THUMPD3: variants seen among roughly 807,000 people sequenced by gnomAD.
The protein encoded by THUMPD3 is tRNA (guanine(6)-N(2))-methyltransferase THUMP3.
Under a neutral mutation model 54.5 loss-of-function variants are expected in THUMPD3, and 44 were observed. That is an observed-to-expected ratio of 0.81 (90% CI 0.63 to 1.04). The LOEUF (loss-of-function observed/expected upper bound fraction) is 1.04. Ranked by LOEUF, THUMPD3 falls within the 50% of genes least tolerant of loss-of-function variation. THUMPD3 has a pLI of 0.00. For missense variants in THUMPD3, 604 were observed against 601.3 expected (o/e 1.00, Z -0.05); for synonymous variants, 196 against 201.4 (o/e 0.97, Z 0.23).
At chr3:9,369,890 C>A (rs2031894858) in intron 3 of THUMPD3, among the ~76,000 whole-genome samples, 1 of 151,954 alleles carries the variant, frequency 6.6e-6, no homozygotes, top group Non-Finnish European at 1.5e-5. Context: ...TATGTCTTTA[C>A]TTTTTTCATA....
chr3:9,371,089 G>A lies in THUMPD3; in HGVS notation c.360G>A (p.Leu120=). The A allele has an allele frequency of 1.3e-6, 2 of 1,575,224 alleles. No homozygotes were observed. The highest frequency in any genetic ancestry group is 1.7e-6 in the Non-Finnish European group (2 of 1,168,364). ...AAGTTCTAAAGGATTTTGAAGACTTGGCTGGAAAACTCCCATGGTCAAACC... is the reference window on the plus strand; with the variant it reads ...AAGTTCTAAAGGATTTTGAAGACTTAGCTGGAAAACTCCCATGGTCAAACC... ...KEEVLKDFED[L]AGKLPWSNPL... The change falls in exon 4 of 10, where the codon TTG becomes TTA. Residue 120 remains leucine (L), a synonymous_variant. Coordinates refer to ENST00000452837, the MANE Select transcript of THUMPD3 (RefSeq NM_001114092.2).
chr3:9,369,320 A>AG (rs1403249207), intron 3 of THUMPD3, among the ~76,000 whole-genome samples: 1 of 151,046 alleles, frequency 6.6e-6, no homozygotes, highest in East Asian at 1.9e-4. Flanking sequence ...AAAAAAAAAA[A>AG]AAAAAAAAAA....
At chr3:9,373,695 G>C (rs910030028) in intron 4 of THUMPD3, among the ~76,000 whole-genome samples, 12 of 152,220 alleles carry the variant, frequency 7.9e-5, no homozygotes, top group African/African-American at 2.7e-4. Context: ...TTCAGTGAAA[G>C]ATTGGGGAAC....
chr3:9,384,381 G>A (rs375934489), intron 9 of THUMPD3, 46 bp downstream of exon 9: 17 of 1,598,078 alleles, frequency 1.1e-5, no homozygotes, highest in East Asian at 2.2e-5. Flanking sequence ...GCAACTTTGG[G>A]ATCTTTTTGA....
chr3:9,374,756 G>C, intron 5 of THUMPD3, 110 bp downstream of exon 5: 1 of 1,240,176 alleles, frequency 8.1e-7, no homozygotes, highest in Non-Finnish European at 1.1e-6. Context: ...TTGGAATAGA[G>C]TGGATAAAGA....
At chr3:9,384,028 G>T (rs1235546854) in intron 8 of THUMPD3, among the ~76,000 whole-genome samples, 184 bp from the exon 9 acceptor site, 2 of 152,156 alleles carry the variant, frequency 1.3e-5, no homozygotes, top group Non-Finnish European at 2.9e-5. Context: ...AAATTTTTTT[G>T]ATTCAGAATT....
rs142951250 is a variant in THUMPD3 at position 9,384,249 on chromosome 3, G to C, written c.1273G>C (p.Ala425Pro). The C allele has an allele frequency of 6.2e-7, 1 of 1,614,186 alleles. No homozygotes were observed. The highest frequency in any genetic ancestry group is 8.5e-7 in the Non-Finnish European group (1 of 1,180,018). Residue 425 changes from alanine to proline, a missense_variant, in exon 9 of 10, where the codon GCT becomes CCT. Physicochemically the swap from Ala to Pro is conservative, Grantham distance 27 (BLOSUM62 -1). Coordinates refer to ENST00000452837, the MANE Select transcript of THUMPD3 (RefSeq NM_001114092.2). ...GAAGAGAAACTGGAACCTTTATCCA[G>C]CTTGCCTACGGGAGATGAGCCGTGT... ...SKKRNWNLYPACLREMSRVCT... is the reference protein window; with the variant it reads ...SKKRNWNLYPPCLREMSRVCT...
intron 7 of THUMPD3, chr3:9,380,917 G>C (rs1333614581): frequency 4.7e-6 from 1 of 211,348 alleles, no homozygotes; most frequent in East Asian, 1.4e-4. Flanking sequence ...ATTTTAAACA[G>C]TATATTTTTA....
At position 9,385,365 on chromosome 3, in the gene THUMPD3, C is replaced by T. The variant is rs946440173; in HGVS notation, c.*677C>T. On this transcript the variant is annotated 3_prime_UTR_variant, in exon 10 of 10. Coordinates refer to ENST00000452837, the MANE Select transcript of THUMPD3 (RefSeq NM_001114092.2). The stretch of plus-strand genomic sequence containing the variant: ...AAAGGAAGGGCAGAGAACATAATTA[C>T]ATCTTAGGCCACATTTCATTCTTTG... 6.6e-6 allele frequency: 1 copy of T among 152,200 alleles called. No individual in the cohort carries two copies. Among genetic ancestry groups the T allele is most frequent in the African/African-American group, 2.4e-5 (1 of 41,444 alleles). The allele number at this position is 152,200 out of a possible 1,614,324, so 9.4% of individuals were successfully genotyped here.
rs759290906 is a variant in THUMPD3 at position 9,365,836 on chromosome 3, C to T, written c.252+516C>T. ...CGAACTCCTAACCCCGTGATCCACC[C>T]GCCTCGACCTCCCAAAGTGCTGGGA... On this transcript the variant is annotated intron_variant, in intron 2 of 9. Coordinates refer to ENST00000452837, the MANE Select transcript of THUMPD3 (RefSeq NM_001114092.2). Among the ~76,000 whole-genome samples the T allele has an allele frequency of 1.0e-3, 155 of 152,084 alleles. 1 individual carries two copies. Among genetic ancestry groups the T allele is most frequent in the Admixed American group, 1.0e-3 (16 of 15,266 alleles).
chr3:9,376,443 T>C (rs2032464631), intron 5 of THUMPD3, among the ~76,000 whole-genome samples: 1 of 152,180 alleles, frequency 6.6e-6, no homozygotes, highest in Non-Finnish European at 1.5e-5. Flanking sequence ...TGTTCCAAAT[T>C]CCTGGAAGAG....
chr3:9,384,249 G>T lies in THUMPD3; in HGVS notation c.1273G>T (p.Ala425Ser), dbSNP rs142951250. ...GAAGAGAAACTGGAACCTTTATCCA[G>T]CTTGCCTACGGGAGATGAGCCGTGT... ...SKKRNWNLYPACLREMSRVCT... is the reference protein window; with the variant it reads ...SKKRNWNLYPSCLREMSRVCT... Residue 425 changes from alanine to serine, a missense_variant, in exon 9 of 10, where the codon GCT (alanine) becomes TCT (serine). By Grantham distance (99) the Ala-to-Ser change is moderately conservative. Coordinates refer to ENST00000452837, the MANE Select transcript of THUMPD3 (RefSeq NM_001114092.2). The T allele has an allele frequency of 1.6e-4, 259 of 1,614,184 alleles. 3 individuals are homozygous for T. In the East Asian group the frequency reaches 2.8e-3, roughly 18 times the overall value.
rs556273313 is a variant in THUMPD3, at chr3:9,367,881, C to T, written c.330+896C>T. Among the ~76,000 whole-genome samples, 6 of 152,026 alleles carry T rather than the reference C, an allele frequency of 3.9e-5. No homozygotes were observed. The East Asian group carries it at 7.8e-4, about 20-fold the overall frequency. On this transcript the variant is annotated intron_variant, in intron 3 of 9. Coordinates refer to ENST00000452837, the MANE Select transcript of THUMPD3 (RefSeq NM_001114092.2). ...GAGATCGAGACCATCCTGGCTAACA[C>T]GGTGAAACCCCGTCTCTACTAAAAA...
rs1307874565 is a variant in THUMPD3 at position 9,380,573 on chromosome 3, C to A, written c.1079C>A (p.Ala360Glu). The change falls in exon 7 of 10, where the codon GCA (alanine) becomes GAA (glutamate). Residue 360 changes from alanine to glutamate, a missense_variant. Transcript: ENST00000452837. ...DNNPLAVNRA[A>E]NNIASLLTKS... ...AATCCACTGGCTGTGAATAGAGCAG[C>A]AAATAACATTGCATCTTTATTGACC... 2 of 1,613,088 alleles carry A rather than the reference C, an allele frequency of 1.2e-6. No homozygotes were observed. The highest frequency in any genetic ancestry group is 1.6e-4 in the Middle Eastern group (1 of 6,074).
chr3:9,376,827 G>A (rs1048832090), intron 5 of THUMPD3, among the ~76,000 whole-genome samples: 1 of 152,158 alleles, frequency 6.6e-6, no homozygotes, highest in African/African-American at 2.4e-5. Context: ...TTACCTACTA[G>A]TTTTGTGTCC....
At chr3:9,381,394 C>CA (rs1389188661) in intron 7 of THUMPD3, among the ~76,000 whole-genome samples, 10 of 152,132 alleles carry the variant, frequency 6.6e-5, no homozygotes, top group Non-Finnish European at 8.8e-5. Flanking sequence ...ACATGTGAAT[C>CA]ACCTAGGAGT....
intron 6 of THUMPD3, 84 bp downstream of exon 6, chr3:9,377,972 T>G: frequency 1.7e-6 from 2 of 1,149,610 alleles, no homozygotes; most frequent in South Asian, 2.6e-5. Context: ...CATAATGAAA[T>G]CTCCATGGTT....
rs1038532639 is a variant in THUMPD3, at chr3:9,386,370, T to TCCCCACCC, written c.*1694_*1701dup. The TCCCCACCC allele has an allele frequency of 5.6e-5, 7 of 126,100 alleles. No individual in the cohort carries two copies. In the South Asian group the frequency reaches 7.9e-4, roughly 14 times the overall value. 7.8% of individuals were successfully genotyped at this position (126,100 alleles called of 1,614,324 possible). A position where few individuals can be genotyped will look rare whatever the true frequency, so the allele number is the denominator to read the frequency against. ...ATGTCTGTTTTCACCACGATGTCTT[T>TCCCCACCC]CCCCACCCCCCCACCCCCCACTCCA... On this transcript the variant is annotated 3_prime_UTR_variant, in exon 10 of 10. Coordinates refer to ENST00000452837, the MANE Select transcript of THUMPD3 (RefSeq NM_001114092.2).
chr3:9,364,977 G>A (rs2728949), intron 1 of THUMPD3, 39 bp from the exon 2 acceptor site: 897,485 of 1,473,652 alleles, frequency 0.61, 275,219 homozygotes, highest in South Asian at 0.77. Flanking sequence ...TGAAATATGA[G>A]ATGATAATAT....
Sources: gnomAD v4.1 joint callset for allele counts (sites outside exome capture counted in the v4.1 genomes callset) on GRCh38, gnomAD v4.1.1 for gene constraint, MANE v1.5 for transcripts, NCBI Gene and HGNC (gene_info 2026-07-23, HGNC 2026-07-21) for gene names.